PSD3: variants seen among roughly 807,000 people sequenced by gnomAD.
PSD3 encodes the protein pleckstrin and Sec7 domain containing 3.
Under a neutral mutation model 105.5 loss-of-function variants are expected in PSD3, and 49 were observed. The ratio of observed to expected loss-of-function variants is 0.46; its 90% CI spans 0.37 to 0.59. The LOEUF is 0.59. Ranked by LOEUF, PSD3 falls within the 20% of genes least tolerant of loss-of-function variation. The probability of loss-of-function intolerance (pLI) is 0.00; values close to 1 mark genes in which losing one functional copy is unlikely to be tolerated. For synonymous variants in PSD3, 557 were observed against 457.8 expected, an observed-to-expected ratio of 1.22 and a Z score of -2.77; for missense variants, 1,561 against 1,263.8, an observed-to-expected ratio of 1.24 and a Z score of -3.57.
At chr8:18,965,090 T>TTCTAAA (rs1350543466) in intron 1 of PSD3, among the ~76,000 whole-genome samples, 9 of 152,246 alleles carry the variant, frequency 5.9e-5, no homozygotes, top group African/African-American at 2.2e-4. Context: ...TTAAGCATTA[T>TTCTAAA]ACTTCACTGG....
chr8:18,696,040 C>T (rs964176046), intron 9 of PSD3, among the ~76,000 whole-genome samples: 13 of 152,200 alleles, frequency 8.5e-5, no homozygotes, highest in South Asian at 2.1e-4. Context: ...TGGCAGCTGT[C>T]GCTGAGAATT....
chr8:18,645,732 A>G (rs1258922344), intron 10 of PSD3, among the ~76,000 whole-genome samples: 1 of 152,228 alleles, frequency 6.6e-6, no homozygotes, highest in East Asian at 1.9e-4. Flanking sequence ...TAGAATTTCA[A>G]TGAGGTGTAA....
Position 18,970,280 on chromosome 8 carries a change from G to A in PSD3, c.22-34138C>T, listed in dbSNP as rs545155730. The stretch of plus-strand genomic sequence containing the variant: ...GCGGAGCTTGCAGTGAGCCGAGATC[G>A]CACCACTGCACTCCAGCCTGGGCGA... On this transcript the variant is annotated intron_variant, in intron 1 of 15. Coordinates refer to ENST00000327040, the MANE Select transcript of PSD3 (RefSeq NM_015310.4). Among the ~76,000 whole-genome samples the A allele has an allele frequency of 4.1e-3, 472 of 114,990 alleles. 3 individuals are homozygous for A. Among genetic ancestry groups the A allele is most frequent in the African/African-American group, 0.015 (457 of 30,252 alleles). 75.4% of individuals were successfully genotyped at this position (114,990 alleles called of 152,430 possible). A position where few individuals can be genotyped will look rare whatever the true frequency, so the allele number is the denominator to read the frequency against.
intron 8 of PSD3, among the ~76,000 whole-genome samples, chr8:18,769,639 C>A (rs927449703): frequency 6.6e-6 from 1 of 152,192 alleles, no homozygotes; most frequent in East Asian, 1.9e-4. Context: ...ATCTCTTCCA[C>A]CACCCTCACT....
chr8:18,868,363 C>G (rs185408669), intron 3 of PSD3, among the ~76,000 whole-genome samples: 1 of 152,162 alleles, frequency 6.6e-6, no homozygotes, highest in East Asian at 1.9e-4. Context: ...TCATTTTAGC[C>G]AAATATACCG....
chr8:18,972,292 T>G (rs960312271), intron 1 of PSD3, among the ~76,000 whole-genome samples: 3 of 152,170 alleles, frequency 2.0e-5, no homozygotes, highest in Non-Finnish European at 4.4e-5. Flanking sequence ...TCTGCAATGA[T>G]ACTAAATACA....
At chr8:18,578,804 G>A (rs1802622259) in intron 12 of PSD3, among the ~76,000 whole-genome samples, 1 of 151,922 alleles carries the variant, frequency 6.6e-6, no homozygotes, top group South Asian at 2.1e-4. Flanking sequence ...TGTCACCTTG[G>A]AAGAACTGCA....
At chr8:18,616,623 C>CTTTTTTTTTTTTT (rs1215460486) in intron 11 of PSD3, among the ~76,000 whole-genome samples, 3 of 98,508 alleles carry the variant, frequency 3.0e-5, no homozygotes, top group Non-Finnish European at 6.3e-5. Context: ...CCTCTCTTTT[C>CTTTTTTTTTTTTT]TTTTCTTTTT....
intron 1 of PSD3, among the ~76,000 whole-genome samples, chr8:18,979,307 G>T (rs1330078563): frequency 1.3e-5 from 2 of 152,168 alleles, no homozygotes; most frequent in African/African-American, 4.8e-5. Context: ...AAAGCAGAAT[G>T]ACTTGCTTTC....
intron 1 of PSD3, among the ~76,000 whole-genome samples, chr8:18,966,723 C>T (rs143012264): frequency 1.1e-3 from 168 of 152,200 alleles, no homozygotes; most frequent in Non-Finnish European, 1.9e-3. Flanking sequence ...CCCAGGAGGA[C>T]GCAACGTTTC....
chr8:18,816,061 C>T (rs1812196259), intron 4 of PSD3, among the ~76,000 whole-genome samples: 1 of 152,178 alleles, frequency 6.6e-6, no homozygotes, highest in South Asian at 2.1e-4. Flanking sequence ...TATTCCAGCT[C>T]CCCTGGAGAC....
intron 9 of PSD3, among the ~76,000 whole-genome samples, chr8:18,661,177 T>C (rs1027884974): frequency 1.3e-5 from 2 of 152,318 alleles, no homozygotes; most frequent in East Asian, 3.9e-4. Flanking sequence ...CCAATGAATT[T>C]TTTTCTCTGT....
chr8:18,905,570 C>A (rs62495869), intron 2 of PSD3, among the ~76,000 whole-genome samples: 6,330 of 152,278 alleles, frequency 0.042, 198 homozygotes, highest in East Asian at 0.18. Flanking sequence ...GATCCACCCA[C>A]CTCGGCCTCC....
At chr8:18,674,667 T>C (rs1799972087) in intron 9 of PSD3, among the ~76,000 whole-genome samples, 1 of 152,144 alleles carries the variant, frequency 6.6e-6, no homozygotes, top group Admixed American at 6.5e-5. Context: ...AGTAAGAGTA[T>C]TCCAAATGGC....
At chr8:18,927,363 G>A (rs774664706) in intron 2 of PSD3, among the ~76,000 whole-genome samples, 21 of 151,970 alleles carry the variant, frequency 1.4e-4, no homozygotes, top group Admixed American at 9.8e-4. Flanking sequence ...ACAGGTTCAC[G>A]CCACCATGCC....
chr8:18,911,109 C>T (rs888270932), intron 2 of PSD3, among the ~76,000 whole-genome samples: 1 of 151,968 alleles, frequency 6.6e-6, no homozygotes, highest in African/African-American at 2.4e-5. Context: ...CCATGTCAAT[C>T]AATCAGTCAA....
At chr8:18,747,028 T>C (rs1805087664) in intron 9 of PSD3, among the ~76,000 whole-genome samples, 1 of 152,236 alleles carries the variant, frequency 6.6e-6, no homozygotes, top group African/African-American at 2.4e-5. Flanking sequence ...AGCCTCAGTT[T>C]TTAAATGGCG....
intron 7 of PSD3, 98 bp from the exon 8 acceptor site, chr8:18,799,451 C>A: frequency 1.1e-6 from 1 of 943,278 alleles, no homozygotes; most frequent in Non-Finnish European, 1.7e-6. Context: ...CCTATGAAAA[C>A]AGTACTGTGC....
chr8:18,732,674 C>T (rs897426981), intron 9 of PSD3, among the ~76,000 whole-genome samples: 17 of 152,188 alleles, frequency 1.1e-4, no homozygotes, highest in African/African-American at 3.6e-4. Context: ...TAAGGCCTGC[C>T]GTTACAACAG....
Sources: gnomAD v4.1 joint callset for allele counts (sites outside exome capture counted in the v4.1 genomes callset) on GRCh38, gnomAD v4.1.1 for gene constraint, MANE v1.5 for transcripts, NCBI Gene and HGNC (gene_info 2026-07-23, HGNC 2026-07-21) for gene names.